NUP58: variants seen among roughly 807,000 people sequenced by gnomAD.
NUP58 encodes nucleoporin 58.
NUP58 carries 17 observed loss-of-function variants against 70.1 expected under a neutral mutation model. That is an observed-to-expected ratio of 0.24 (90% CI 0.17 to 0.36). NUP58 has a LOEUF of 0.36. NUP58 is among the 10% of genes least tolerant of loss of function. NUP58 has a pLI of 1.00. For synonymous variants in NUP58, 275 were observed against 257.6 expected (o/e 1.07, Z -0.65); for missense variants, 644 against 701.5 (o/e 0.92, Z 0.93).
downstream of NUP58, among the ~76,000 whole-genome samples, chr13:25,345,742 G>C (rs1008350940): frequency 6.6e-6 from 1 of 152,178 alleles, no homozygotes; most frequent in Admixed American, 6.5e-5. Flanking sequence ...GACCAAGTGA[G>C]ACTTGCTGGT....
At chr13:25,335,012 G>A (rs2031731532) in intron 13 of NUP58, 1 of 985,114 alleles carries the variant, frequency 1.0e-6, no homozygotes, top group Non-Finnish European at 1.2e-6. Flanking sequence ...CTTTCTAATA[G>A]TGAAACTAAT....
chr13:25,332,294 G>A (rs2031636223), intron 13 of NUP58: 1 of 985,430 alleles, frequency 1.0e-6, no homozygotes, highest in East Asian at 1.1e-4. Flanking sequence ...CTTCTAATTA[G>A]AGAAACATTT....
intron 13 of NUP58, chr13:25,332,260 GT>G (rs2031635201): frequency 5.1e-6 from 5 of 985,322 alleles, no homozygotes; most frequent in Non-Finnish European, 4.8e-6. Flanking sequence ...AAAGCAGATT[GT>G]TTTATTTCTT....
chr13:25,331,800 T>C, intron 13 of NUP58: 2 of 1,331,272 alleles, frequency 1.5e-6, no homozygotes, highest in Non-Finnish European at 1.9e-6. Context: ...TGTTATTTGC[T>C]GTAATGCTAT....
At chr13:25,335,482 T>C (rs1461628319) in intron 13 of NUP58, 1 of 984,960 alleles carries the variant, frequency 1.0e-6, no homozygotes, top group African/African-American at 1.7e-5. Flanking sequence ...GAAAGTATAA[T>C]AATATGCTTG....
Position 25,325,065 on chromosome 13 carries a change from C to T in NUP58, c.1028C>T (p.Ala343Val). 6.2e-7 allele frequency: 1 copy of T among 1,603,886 alleles called. No individual in the cohort carries two copies. Among genetic ancestry groups the T allele is most frequent in the Non-Finnish European group, 8.5e-7 (1 of 1,174,200 alleles). The change falls in exon 10 of 16, where the codon GCT becomes GTT. Residue 343 changes from alanine to valine, a missense_variant. Physicochemically the swap from Ala to Val is moderately conservative, Grantham distance 64. This residue lies in a region of NUP58 where 430 missense variants were observed against 409.2 expected (regional missense o/e 1.05). Transcript: ENST00000381736. ...CTTCAACATGAATATGCAGCTCCTG[C>T]TGAGTAAGTTGCTGGATTTTTAAAA... Reference protein sequence around the residue: ...PGLQHEYAAPADYFRILVQQF... With the variant: ...PGLQHEYAAPVDYFRILVQQF...
intron 1 of NUP58, chr13:25,302,986 C>A (rs1160149647): frequency 2.2e-6 from 1 of 456,704 alleles, no homozygotes; most frequent in Admixed American, 2.3e-5. Context: ...GGACAGATTC[C>A]CATGTGCAAG....
intron 5 of NUP58, among the ~76,000 whole-genome samples, chr13:25,315,150 C>T (rs1566060915): frequency 6.6e-6 from 1 of 152,164 alleles, no homozygotes; most frequent in East Asian, 1.9e-4. Flanking sequence ...TGAAAAATCG[C>T]ATCATCCAAA....
chr13:25,340,164 A>G lies in NUP58; in HGVS notation c.*30A>G, dbSNP rs2031911082. 1 of 1,562,364 alleles carries G rather than the reference A, an allele frequency of 6.4e-7. No individual in the cohort carries two copies. Among genetic ancestry groups the G allele is most frequent in the African/African-American group, 1.4e-5 (1 of 72,568 alleles). ...GGGTTGATGTGTTGAGAGAATCCAT[A>G]GCAGCACCGTTCATTCTATGAGTCT... On this transcript the variant is annotated 3_prime_UTR_variant, in exon 16 of 16. Coordinates refer to ENST00000381736, the MANE Select transcript of NUP58 (RefSeq NM_014089.4).
intron 9 of NUP58, among the ~76,000 whole-genome samples, chr13:25,322,271 G>A (rs147430262): frequency 2.0e-5 from 3 of 152,276 alleles, no homozygotes; most frequent in East Asian, 1.9e-4. Flanking sequence ...GTGCTTTTGG[G>A]TCTTTAAGTC....
At chr13:25,347,406 A>G (rs9553583), downstream of NUP58, among the ~76,000 whole-genome samples, 7,439 of 152,220 alleles carry the variant, frequency 0.049, 224 homozygotes, top group East Asian at 0.16. Context: ...GGTGTCCTGC[A>G]CTCAGCTAAA....
At chr13:25,315,225 T>A in intron 5 of NUP58, 132 bp from the exon 6 acceptor site, 1 of 702,444 alleles carries the variant, frequency 1.4e-6, no homozygotes, top group Non-Finnish European at 2.5e-6. Context: ...CAGGCTTGTT[T>A]CTTGTTGTTT....
chr13:25,313,818 A>G, intron 5 of NUP58, 67 bp downstream of exon 5: 2 of 1,312,428 alleles, frequency 1.5e-6, no homozygotes, highest in Non-Finnish European at 2.0e-6. Flanking sequence ...TTTTTATTTT[A>G]GTACTTTGAG....
chr13:25,333,430 TCCCTGAAACTTTGAA>T, intron 13 of NUP58: 1 of 985,410 alleles, frequency 1.0e-6, no homozygotes, highest in South Asian at 4.7e-5. Context: ...CCTTCACTCT[TCCCTGAAACTTTGAA>T]GTCCACATAA....
rs11556093 is a variant in NUP58 at position 25,301,873 on chromosome 13, G to A, written c.100G>A (p.Ala34Thr). 807,049 of 1,607,748 alleles carry A rather than the reference G, an allele frequency of 0.5. 210,158 individuals are homozygous for A. The highest frequency in any genetic ancestry group is 0.57 in the East Asian group (25,318 of 44,722). The change falls in exon 1 of 16, where the codon GCG becomes ACG. Residue 34 changes from alanine (A) to threonine (T), a missense_variant. By Grantham distance (58) the Ala-to-Thr change is moderately conservative. Around this residue, in one of 4 missense-constraint regions of NUP58, gnomAD observed 430 missense variants for 409.2 expected, o/e 1.05. Transcript: ENST00000381736. ...CGGCGTTTTCTCCTTCGGAACGGGA[G>A]CGTCTAGGTAACCGCACTTTCTCGC... ...TGGVFSFGTG[A>T]SSNPSVGLNF...
At position 25,327,484 on chromosome 13, in the gene NUP58, A is replaced by C. The variant is rs776155738; in HGVS notation, c.1205A>C (p.Gln402Pro). ...CAAACATTTGTAGCTTTAGCGGCAC[A>C]ACTTCAGTCTATTCATGAAAATGTA... ...IYQTFVALAA[Q>P]LQSIHENVKV... Residue 402 changes from glutamine to proline, a missense_variant, in exon 12 of 16, where the codon CAA becomes CCA. By Grantham distance (76) the Gln-to-Pro change is moderately conservative. Transcript: ENST00000381736. 6.2e-7 allele frequency: 1 copy of C among 1,610,750 alleles called. No individual in the cohort carries two copies. The highest frequency in any genetic ancestry group is 1.1e-5 in the South Asian group (1 of 90,080).
At chr13:25,322,863 A>G (rs965723980) in intron 9 of NUP58, among the ~76,000 whole-genome samples, 2 of 152,140 alleles carry the variant, frequency 1.3e-5, no homozygotes, top group African/African-American at 4.8e-5. Flanking sequence ...TTATGTTTTT[A>G]TACTGGAGAA....
At chr13:25,302,871 C>T (rs2030098051) in intron 1 of NUP58, 3 of 439,352 alleles carry the variant, frequency 6.8e-6, no homozygotes, top group Non-Finnish European at 1.4e-5. Context: ...TCTACTCGCT[C>T]AACAACAGGT....
chr13:25,303,861 TTGAA>T (rs944891020), intron 1 of NUP58, among the ~76,000 whole-genome samples: 4 of 152,194 alleles, frequency 2.6e-5, no homozygotes, highest in Admixed American at 1.3e-4. Flanking sequence ...TAATAACAAT[TTGAA>T]TGACTGAGCA....
Sources: gnomAD v4.1 joint callset for allele counts (sites outside exome capture counted in the v4.1 genomes callset) on GRCh38, gnomAD v4.1.1 for gene constraint, gnomAD v4.1.1 regional missense constraint, MANE v1.5 for transcripts, NCBI Gene and HGNC (gene_info 2026-07-23, HGNC 2026-07-21) for gene names.